Variants in ERC1 observed in about 807,000 individuals in gnomAD.
ERC1 encodes the protein RAB6 interacting protein 2.
A neutral mutation model predicts 132.0 loss-of-function variants in ERC1; 56 were observed. The ratio of observed to expected loss-of-function variants is 0.42; its 90% CI spans 0.34 to 0.53. ERC1 has a LOEUF of 0.53. Among genes scored for constraint, ERC1 ranks in the 20% least tolerant of loss-of-function variants. The pLI, the probability that ERC1 is intolerant of heterozygous loss-of-function variation, is 0.03. For missense variants in ERC1, 1,202 were observed against 1,349.9 expected (o/e 0.89, Z 1.72); for synonymous variants, 478 against 476.1 (o/e 1.00, Z -0.05).
chr12:1,098,274 C>T (rs1430974925), intron 3 of ERC1, among the ~76,000 whole-genome samples: 1 of 152,292 alleles, frequency 6.6e-6, no homozygotes, highest in East Asian at 1.9e-4. Flanking sequence ...AGGCCCATCT[C>T]ACCTTATGGT....
chr12:1,433,137 C>G (rs1434259763), intron 17 of ERC1, among the ~76,000 whole-genome samples: 1 of 152,156 alleles, frequency 6.6e-6, no homozygotes, highest in Non-Finnish European at 1.5e-5. Flanking sequence ...AGATGCAATT[C>G]TTAGTTAAGA....
At chr12:1,241,801 A>T (rs1390804570) in intron 13 of ERC1, among the ~76,000 whole-genome samples, 1 of 142,764 alleles carries the variant, frequency 7.0e-6, no homozygotes, top group African/African-American at 2.6e-5. Context: ...TTCATTCTAG[A>T]TTCATTGTTT....
intron 17 of ERC1, among the ~76,000 whole-genome samples, chr12:1,424,906 A>ATAGATAGATAGG (rs1555082411): frequency 6.0e-5 from 9 of 150,824 alleles, no homozygotes; most frequent in Admixed American, 2.0e-4. Context: ...AGATAGATAG[A>ATAGATAGATAGG]TAGATAATCT....
At chr12:1,182,890 C>T (rs918134818) in intron 10 of ERC1, among the ~76,000 whole-genome samples, 6 of 152,130 alleles carry the variant, frequency 3.9e-5, no homozygotes, top group African/African-American at 9.7e-5. Flanking sequence ...TGGTCTTGAA[C>T]TCCTGGCCTC....
chr12:1,255,557 C>G (rs2076743163), intron 13 of ERC1, among the ~76,000 whole-genome samples: 1 of 151,284 alleles, frequency 6.6e-6, no homozygotes, highest in Non-Finnish European at 1.5e-5. Flanking sequence ...ATTTACACTC[C>G]CACCAACAGT....
chr12:1,175,186 G>A (rs914347810), intron 8 of ERC1, among the ~76,000 whole-genome samples: 3 of 152,282 alleles, frequency 2.0e-5, no homozygotes, highest in African/African-American at 7.2e-5. Context: ...ACTGATCAGG[G>A]TGGTAGTTGC....
intron 17 of ERC1, among the ~76,000 whole-genome samples, chr12:1,422,375 TA>T (rs2092460854): frequency 6.6e-6 from 1 of 152,170 alleles, no homozygotes; most frequent in Admixed American, 6.5e-5. Context: ...TGGCCTCTAG[TA>T]ATCACTATTC....
intron 13 of ERC1, among the ~76,000 whole-genome samples, chr12:1,247,991 C>T (rs1425511952): frequency 6.6e-6 from 1 of 152,062 alleles, no homozygotes; most frequent in African/African-American, 2.4e-5. Context: ...AGCAAAACTG[C>T]ATCTCAAAAA....
At chr12:1,148,390 C>A (rs1376555202) in intron 8 of ERC1, among the ~76,000 whole-genome samples, 1 of 152,102 alleles carries the variant, frequency 6.6e-6, no homozygotes. Context: ...CACACACACA[C>A]ACATATCATG....
chr12:1,065,598 C>CGGG (rs34191079), intron 2 of ERC1, among the ~76,000 whole-genome samples: 1 of 141,794 alleles, frequency 7.1e-6, no homozygotes, highest in Non-Finnish European at 1.5e-5. Flanking sequence ...TTTTTTGGGG[C>CGGG]GGGGGGGGAC....
intron 15 of ERC1, among the ~76,000 whole-genome samples, chr12:1,343,244 A>G (rs748721272): frequency 3.2e-4 from 49 of 152,178 alleles, no homozygotes; most frequent in Non-Finnish European, 6.3e-4. Flanking sequence ...CTTTTCCATT[A>G]TAGACTTCAT....
chr12:1,031,204 A>G (rs890314422), intron 2 of ERC1, among the ~76,000 whole-genome samples: 1 of 152,228 alleles, frequency 6.6e-6, no homozygotes, highest in African/African-American at 2.4e-5. Flanking sequence ...ACAGAAAAGC[A>G]TAGATATGAA....
intron 16 of ERC1, among the ~76,000 whole-genome samples, chr12:1,405,606 G>C (rs1339727662): frequency 2.0e-5 from 3 of 152,174 alleles, no homozygotes; most frequent in African/African-American, 7.2e-5. Context: ...GGGAGGCTGA[G>C]GCAGGAGAAT....
At chr12:1,478,085 A>G (rs1446590843) in intron 18 of ERC1, among the ~76,000 whole-genome samples, 1 of 152,172 alleles carries the variant, frequency 6.6e-6, no homozygotes, top group Non-Finnish European at 1.5e-5. Flanking sequence ...CTACAAGTCC[A>G]CTTGTTCAGC....
chr12:1,047,440 A>G (rs1393191198), intron 2 of ERC1, among the ~76,000 whole-genome samples: 3 of 151,768 alleles, frequency 2.0e-5, no homozygotes, highest in South Asian at 4.2e-4. Flanking sequence ...GAAGAATTAC[A>G]TTACCAGTAG....
At chr12:1,444,423 T>A (rs1410964285) in intron 17 of ERC1, 139 bp from the exon 18 acceptor site, 6 of 595,712 alleles carry the variant, frequency 1.0e-5, no homozygotes, top group Non-Finnish European at 1.7e-5. Context: ...CCTGAAGATT[T>A]CAGTAGTGAT....
chr12:1,444,507 G>T lies in ERC1; in HGVS notation c.3025-55G>T, dbSNP rs59531263. 3.3e-3 allele frequency: 4,346 copies of T among 1,303,510 alleles called. 110 individuals are homozygous for T. The African/African-American group carries it at 0.059, about 18-fold the overall frequency. The allele number at this position is 1,303,510 out of a possible 1,614,324, so 80.7% of individuals were successfully genotyped here. On this transcript the variant is annotated intron_variant, in intron 17 of 18. Coordinates refer to ENST00000360905, the MANE Select transcript of ERC1 (RefSeq NM_178040.4). ...AAGAATATTTGAACCTCTCATTTCA[G>T]ACTGACCTTGACTTTCCTCATTTTA...
intron 18 of ERC1, among the ~76,000 whole-genome samples, chr12:1,464,168 T>G (rs1005067215): frequency 2.0e-5 from 3 of 152,226 alleles, no homozygotes; most frequent in East Asian, 1.9e-4. Flanking sequence ...TCATGGAGTT[T>G]TGGTGTATAT....
At chr12:1,073,036 T>G (rs1400801171) in intron 2 of ERC1, among the ~76,000 whole-genome samples, 1 of 151,160 alleles carries the variant, frequency 6.6e-6, no homozygotes, top group African/African-American at 2.4e-5. Flanking sequence ...GTGCGGTGGC[T>G]CATGCCTGTA....
Sources: gnomAD v4.1 joint callset for allele counts (sites outside exome capture counted in the v4.1 genomes callset) on GRCh38, gnomAD v4.1.1 for gene constraint, MANE v1.5 for transcripts, NCBI Gene and HGNC (gene_info 2026-07-23, HGNC 2026-07-21) for gene names.